The following ANLN variants were observed in gnomAD, a reference collection of about 807,000 sequenced individuals.
The protein encoded by ANLN is anillin, actin binding protein, also known as anillin.
Under a neutral mutation model 135.1 loss-of-function variants are expected in ANLN, and 59 were observed. The ratio of observed to expected loss-of-function variants is 0.44; its 90% confidence interval spans 0.35 to 0.54. The LOEUF is 0.54. ANLN is among the 20% of genes least tolerant of loss of function. The pLI is 0.00. For missense variants in ANLN, 1,182 were observed against 1,340.0 expected (o/e 0.88, Z 1.84); for synonymous variants, 406 against 456.4 (o/e 0.89, Z 1.41).
Position 36,443,818 on chromosome 7 carries a change from A to G in ANLN, c.3034A>G (p.Asn1012Asp). 1 of 1,612,632 alleles carries G rather than the reference A, an allele frequency of 6.2e-7. No homozygotes were observed. Among genetic ancestry groups the G allele is most frequent in the South Asian group, 1.1e-5 (1 of 90,638 alleles). The change falls in exon 22 of 24, where the codon AAC becomes GAC. Residue 1012 changes from asparagine to aspartate, a missense_variant. Physicochemically the swap from Asn to Asp is conservative, Grantham distance 23. Around this residue, in one of 3 missense-constraint regions of ANLN, gnomAD observed 82 missense variants for 133.3 expected, o/e 0.62. Transcript: ENST00000265748. Reference protein sequence around the residue: ...WHRRWCVLSGNCISYWTYPDD... With the variant: ...WHRRWCVLSGDCISYWTYPDD... ...TCGAAGATGGTGTGTTCTTTCTGGA[A>G]ACTGTATATCTTATTGGACTTATCC...
At chr7:36,422,845 T>C (rs201783087) in intron 14 of ANLN, 36 bp downstream of exon 14, 1 of 1,549,792 alleles carries the variant, frequency 6.5e-7, no homozygotes, top group Non-Finnish European at 8.7e-7. Context: ...TGTGTTAAAT[T>C]ATGAACCTCA....
chr7:36,445,570 A>G (rs533503579), intron 22 of ANLN, among the ~76,000 whole-genome samples: 71 of 152,128 alleles, frequency 4.7e-4, no homozygotes, highest in Non-Finnish European at 8.7e-4. Flanking sequence ...CAATTTATCC[A>G]TTCTCCTGTT....
chr7:36,400,516 T>A (rs1402418674), intron 3 of ANLN, among the ~76,000 whole-genome samples: 1 of 152,084 alleles, frequency 6.6e-6, no homozygotes, highest in Non-Finnish European at 1.5e-5. Flanking sequence ...TGTGCCACCA[T>A]GCCCAGCTAA....
intron 20 of ANLN, among the ~76,000 whole-genome samples, chr7:36,428,831 T>C (rs1170827632): frequency 3.4e-5 from 5 of 145,618 alleles, no homozygotes; most frequent in African/African-American, 1.3e-4. Context: ...CAGGCTGGAG[T>C]GCAGTGGCGT....
rs142942937 is a variant in ANLN, at chr7:36,415,004, G to C, written c.1396-754G>C. Among the ~76,000 whole-genome samples the C allele has an allele frequency of 6.8e-3, 1,034 of 152,338 alleles. 44 individuals carry two copies. The highest frequency in any genetic ancestry group is 0.062 in the Admixed American group (950 of 15,296). On this transcript the variant is annotated intron_variant, in intron 7 of 23. Transcript: ENST00000265748. ...CTTAGAAAGGTGGCTGGCACATATT[G>C]AGCTCTGTATAAGTATTAGCTGCCT...
In ANLN at chr7:36,389,891, G is replaced by C. The variant is rs1786343401; in HGVS notation, c.-136G>C. The C allele has an allele frequency of 4.6e-6, 7 of 1,509,738 alleles. No individual in the cohort carries two copies. The highest frequency in any genetic ancestry group is 6.4e-6 in the Non-Finnish European group (7 of 1,094,296). The allele number at this position is 1,509,738 out of a possible 1,614,324, so 93.5% of individuals were successfully genotyped here. ...CCGTCACTGGAAGCCGAGAGGAGAG[G>C]ACAGCTGGTTGTGGGAGAGTTCCCC... On this transcript the variant is annotated 5_prime_UTR_variant, in exon 1 of 24. Coordinates refer to ENST00000265748, the MANE Select transcript of ANLN (RefSeq NM_018685.5).
At chr7:36,410,725 C>A in intron 6 of ANLN, 21 bp downstream of exon 6, 1 of 1,600,982 alleles carries the variant, frequency 6.2e-7, no homozygotes, top group Non-Finnish European at 8.5e-7. Context: ...CTGCATTTAA[C>A]ATTATTCATC....
rs1786700264 is a variant in ANLN at position 36,396,404 on chromosome 7, C to G, written c.157C>G (p.Leu53Val). The change falls in exon 2 of 24, where the codon CTC (leucine) becomes GTC (valine). Residue 53 changes from leucine to valine, a missense_variant. By Grantham distance (32) the Leu-to-Val change is conservative. This residue lies in a region of ANLN where 1,022 missense variants were observed against 1,134.0 expected (regional missense o/e 0.90). Coordinates refer to ENST00000265748, the MANE Select transcript of ANLN (RefSeq NM_018685.5). ...PLSEASNQQP[L>V]SGGEEKSCTK... The stretch of plus-strand genomic sequence containing the variant: ...TTCAGAAGCAAGTAACCAGCAGCCC[C>G]TCTCTGGTGGTGAAGGTAAAAGACT... 1 of 1,585,872 alleles carries G rather than the reference C, an allele frequency of 6.3e-7. No homozygotes were observed. The highest frequency in any genetic ancestry group is 1.1e-5 in the South Asian group (1 of 87,644).
At chr7:36,416,494 A>G (rs1053198930) in intron 8 of ANLN, among the ~76,000 whole-genome samples, 1 of 152,196 alleles carries the variant, frequency 6.6e-6, no homozygotes, top group African/African-American at 2.4e-5. Context: ...CTTAAAGGAA[A>G]AGCTTTTAAT....
intron 21 of ANLN, among the ~76,000 whole-genome samples, chr7:36,443,224 G>T (rs567370073): frequency 3.9e-5 from 6 of 152,340 alleles, no homozygotes; most frequent in Admixed American, 3.3e-4. Flanking sequence ...CGGCCCAGCA[G>T]TGGGCTTGGA....
intron 19 of ANLN, among the ~76,000 whole-genome samples, chr7:36,426,378 C>T (rs897628872): frequency 6.6e-6 from 1 of 152,194 alleles, no homozygotes; most frequent in Non-Finnish European, 1.5e-5. Context: ...CTGATCATAA[C>T]TGGCGTTGTA....
At chr7:36,425,665 A>G (rs1284055265) in intron 17 of ANLN, 37 bp from the exon 18 acceptor site, 1 of 1,481,174 alleles carries the variant, frequency 6.8e-7, no homozygotes, top group East Asian at 2.3e-5. Flanking sequence ...ATAATGTTTA[A>G]TAAGAAATAT....
chr7:36,400,756 A>G (rs1316209382), intron 3 of ANLN, among the ~76,000 whole-genome samples: 3 of 152,218 alleles, frequency 2.0e-5, no homozygotes, highest in Non-Finnish European at 4.4e-5. Flanking sequence ...CCAAGGAAGC[A>G]TTCCTTAGGT....
chr7:36,414,337 GTGATGGGATAAGGGGTGATAAT>G (rs1787552554), intron 7 of ANLN, among the ~76,000 whole-genome samples: 1 of 152,334 alleles, frequency 6.6e-6, no homozygotes, highest in Admixed American at 6.5e-5. Context: ...GTCAATTTGT[GTGATGGGATAAGGGGTGATAAT>G]TGATGGGATG....
intron 7 of ANLN, among the ~76,000 whole-genome samples, chr7:36,412,328 T>TATA (rs1554343031): frequency 2.3e-3 from 148 of 63,106 alleles, no homozygotes; most frequent in African/African-American, 7.1e-3. Context: ...TATATATATA[T>TATA]TTTTTTTTTT....
rs1313808218 is a variant in ANLN at position 36,435,860 on chromosome 7, G to A, written c.2884-3344G>A. Among the ~76,000 whole-genome samples, 7 of 105,264 alleles carry A rather than the reference G, an allele frequency of 6.6e-5. No individual in the cohort carries two copies. The Admixed American group carries it at 8.4e-4, about 13-fold the overall frequency. 69.1% of individuals were successfully genotyped at this position (105,264 alleles called of 152,430 possible). A position where few individuals can be genotyped will look rare whatever the true frequency, so the allele number is the denominator to read the frequency against. On this transcript the variant is annotated intron_variant, in intron 20 of 23. Transcript: ENST00000265748. ...TGCACTCCAGCCTGGGCGACAGAGCGAGACTCCGTCTCAAAAAAAAAAAAA... is the reference window on the plus strand; with the variant it reads ...TGCACTCCAGCCTGGGCGACAGAGCAAGACTCCGTCTCAAAAAAAAAAAAA...
chr7:36,420,989 A>G (rs1583625672), intron 12 of ANLN, among the ~76,000 whole-genome samples: 1 of 152,242 alleles, frequency 6.6e-6, no homozygotes, highest in Non-Finnish European at 1.5e-5. Flanking sequence ...TTTCATAAAT[A>G]TCCTTAAAGT....
At chr7:36,414,270 C>G (rs980173472) in intron 7 of ANLN, among the ~76,000 whole-genome samples, 1 of 152,046 alleles carries the variant, frequency 6.6e-6, no homozygotes, top group African/African-American at 2.4e-5. Flanking sequence ...GAGGTAGTGG[C>G]TAGAAGAGAT....
At chr7:36,390,423 G>A (rs1786392818) in intron 1 of ANLN, 1 of 263,114 alleles carries the variant, frequency 3.8e-6, no homozygotes, top group Admixed American at 5.1e-5. Context: ...GCGGGGTCCG[G>A]GGCCGGTGAC....
Sources: allele counts gnomAD v4.1 joint callset (sites outside exome capture counted in the v4.1 genomes callset), GRCh38; gene constraint gnomAD v4.1.1; regional missense constraint gnomAD v4.1.1; transcripts MANE v1.5; gene names NCBI Gene and HGNC (gene_info 2026-07-23, HGNC 2026-07-21).